ST3GAL5: variants seen among roughly 807,000 people sequenced by gnomAD.
ST3GAL5 encodes the protein lactosylceramide alpha-2,3-sialyltransferase.
In ST3GAL5, 25 loss-of-function variants were observed where a neutral mutation model predicts 46.1. That is an observed-to-expected ratio of 0.54 (90% CI 0.40 to 0.76). The LOEUF (loss-of-function observed/expected upper bound fraction) is 0.76, where lower values mean the gene tolerates loss of function less well. Among genes scored for constraint, ST3GAL5 ranks in the 30% least tolerant of loss-of-function variants. The pLI is 0.00. For synonymous variants in ST3GAL5, 182 were observed against 192.7 expected, an observed-to-expected ratio of 0.94 and a Z score of 0.46; for missense variants, 431 against 521.2, an observed-to-expected ratio of 0.83 and a Z score of 1.69.
At chr2:85,851,581 T>C (rs951077966) in intron 3 of ST3GAL5, 398 of 1,289,424 alleles carry the variant, frequency 3.1e-4, no homozygotes, top group Admixed American at 3.9e-4. Flanking sequence ...TCAGAGCTTG[T>C]CCCACATCTT....
At chr2:85,867,816 A>T (rs1474952069) in intron 1 of ST3GAL5, 1 of 641,836 alleles carries the variant, frequency 1.6e-6, no homozygotes, top group African/African-American at 1.8e-5. Context: ...TAAGGGCAAG[A>T]TTTACAGTAA....
At position 85,837,185 on chromosome 2, in the gene ST3GAL5, A is replaced by T. The variant is rs1681589453; in HGVS notation, c.*2959T>A. ...TTCACATAGCCAAAACATGAAATCA[A>T]CCTAAGTGTCCATCAATGGGTGAAT... is the stretch of plus-strand genomic sequence containing the variant. On this transcript the variant is annotated 3_prime_UTR_variant, in exon 7 of 7. Transcript: ENST00000638572. The T allele has an allele frequency of 6.6e-6, 1 of 152,234 alleles. No individual in the cohort carries two copies. Among genetic ancestry groups the T allele is most frequent in the Non-Finnish European group, 1.5e-5 (1 of 68,038 alleles). 9.4% of individuals were successfully genotyped at this position (152,234 alleles called of 1,614,324 possible).
chr2:85,842,479 T>G (rs916768127), intron 6 of ST3GAL5, among the ~76,000 whole-genome samples: 2 of 152,210 alleles, frequency 1.3e-5, no homozygotes, highest in African/African-American at 4.8e-5. Context: ...CTCAACAGGC[T>G]TCTTCATCTG....
chr2:85,888,989 CT>C lies in ST3GAL5; in HGVS notation c.-85del. ...CAGCGCCGCTCTCGCGCCCATTCAG[CT>C]GGGGGCCGCCGCTCCCCCGCTCAGA... On this transcript the variant is annotated 5_prime_UTR_variant, in exon 1 of 7. Transcript: ENST00000638572. The C allele has an allele frequency of 9.3e-7, 1 of 1,070,666 alleles. No homozygotes were observed. The highest frequency in any genetic ancestry group is 1.2e-6 in the Non-Finnish European group (1 of 843,434). 66.3% of individuals were successfully genotyped at this position (1,070,666 alleles called of 1,614,324 possible). A position where few individuals can be genotyped will look rare whatever the true frequency, so the allele number is the denominator to read the frequency against.
intron 1 of ST3GAL5, among the ~76,000 whole-genome samples, chr2:85,868,866 G>A (rs532503609): frequency 4.6e-5 from 7 of 152,046 alleles, no homozygotes; most frequent in Non-Finnish European, 8.8e-5. Flanking sequence ...TGATCCACCC[G>A]TCTCAGCCTC....
rs190194847 is a variant in ST3GAL5 at position 85,842,791 on chromosome 2, C to T, written c.1008+1605G>A. ...TTTTTTTTTTTTTAAGATGGAGTTT[C>T]ACTCTTGTTGCCCAGGCTGGAGTGC... On this transcript the variant is annotated intron_variant, in intron 6 of 6. Transcript: ENST00000638572. Among the ~76,000 whole-genome samples the T allele has an allele frequency of 3.9e-3, 571 of 148,042 alleles. 1 individual carries two copies. The highest frequency in any genetic ancestry group is 0.013 in the African/African-American group (527 of 40,174).
At chr2:85,853,080 G>A in intron 3 of ST3GAL5, 1 of 1,304,206 alleles carries the variant, frequency 7.7e-7, no homozygotes, top group Non-Finnish European at 1.0e-6. Flanking sequence ...GCCATCCGCA[G>A]GGAGATAAGG....
At position 85,839,060 on chromosome 2, in the gene ST3GAL5, G is replaced by A. The variant is rs575597180; in HGVS notation, c.*1084C>T. ...CTGTCCCTCACTACTGGCATCCACA[G>A]AGAGGTCTCCGCCTAGCAGCAGCAT... On this transcript the variant is annotated 3_prime_UTR_variant, in exon 7 of 7. Transcript: ENST00000638572. 6.6e-5 allele frequency: 10 copies of A among 152,474 alleles called. No individual in the cohort carries two copies. The East Asian group carries it at 1.9e-3, about 29-fold the overall frequency. 9.4% of individuals were successfully genotyped at this position (152,474 alleles called of 1,614,324 possible).
chr2:85,872,282 T>C (rs898323281), intron 1 of ST3GAL5, among the ~76,000 whole-genome samples: 4 of 151,966 alleles, frequency 2.6e-5, no homozygotes, highest in African/African-American at 9.7e-5. Context: ...TGGAAGTCAA[T>C]TGTTGTCCTT....
At chr2:85,875,689 G>C (rs982164585) in intron 1 of ST3GAL5, 3 of 152,154 alleles carry the variant, frequency 2.0e-5, no homozygotes, top group Non-Finnish European at 4.4e-5. Context: ...AAAGAGAGTG[G>C]GGGAACACTG....
At chr2:85,883,891 G>C (rs1220582680) in intron 1 of ST3GAL5, among the ~76,000 whole-genome samples, 1 of 152,188 alleles carries the variant, frequency 6.6e-6, no homozygotes, top group Non-Finnish European at 1.5e-5. Flanking sequence ...TGGAGCTCCA[G>C]GGAAGTGATG....
At chr2:85,881,825 C>T (rs990058038) in intron 1 of ST3GAL5, among the ~76,000 whole-genome samples, 4 of 152,216 alleles carry the variant, frequency 2.6e-5, no homozygotes, top group African/African-American at 9.6e-5. Context: ...GAAATTCAAG[C>T]CAGCTGCAGA....
chr2:85,850,037 T>C (rs1022386535), intron 3 of ST3GAL5: 4 of 152,228 alleles, frequency 2.6e-5, no homozygotes, highest in Non-Finnish European at 1.5e-5. Context: ...TTTATTTTCA[T>C]TTTCTGATTT....
chr2:85,878,708 C>T (rs886613694), intron 1 of ST3GAL5, among the ~76,000 whole-genome samples: 21 of 152,122 alleles, frequency 1.4e-4, no homozygotes, highest in South Asian at 4.1e-4. Context: ...AAGACACAGC[C>T]GCTTTCCTCT....
At chr2:85,872,196 A>G (rs550939939) in intron 1 of ST3GAL5, among the ~76,000 whole-genome samples, 24 of 152,332 alleles carry the variant, frequency 1.6e-4, no homozygotes, top group Admixed American at 1.1e-3. Context: ...ACAGAAGACA[A>G]ACAAAAGCAA....
intron 4 of ST3GAL5, 90 bp from the exon 5 acceptor site, chr2:85,846,653 C>T (rs1009636066): frequency 1.9e-5 from 24 of 1,275,832 alleles, no homozygotes; most frequent in Non-Finnish European, 2.3e-5. Flanking sequence ...ATGTCCTCCA[C>T]GTCTTCTTAT....
rs1688071193 is a variant in ST3GAL5, at chr2:85,888,865, A to G, written c.41T>C (p.Leu14Pro). 1.5e-6 allele frequency: 2 copies of G among 1,360,164 alleles called. No individual in the cohort carries two copies. Among genetic ancestry groups the G allele is most frequent in the South Asian group, 3.2e-5 (2 of 61,560 alleles). The allele number at this position is 1,360,164 out of a possible 1,614,324, so 84.3% of individuals were successfully genotyped here. ...CGCCGCTGCCTCGGTCCGCGGCTGCAGGGGACGCCGCTCCGCGCAGCCCGC... is the reference window on the plus strand; with the variant it reads ...CGCCGCTGCCTCGGTCCGCGGCTGCGGGGGACGCCGCTCCGCGCAGCCCGC... ...KAAGCAERRP[L>P]QPRTEAAAAP... The change falls in exon 1 of 7, where the codon CTG (leucine) becomes CCG (proline). Residue 14 changes from leucine (L) to proline (P), a missense_variant. Transcript: ENST00000638572.
chr2:85,852,902 C>T (rs964659754), intron 3 of ST3GAL5: 26 of 1,304,098 alleles, frequency 2.0e-5, no homozygotes, highest in Admixed American at 1.6e-4. Context: ...GGGAGCAGCA[C>T]TAAGGAGAGA....
Position 85,851,730 on chromosome 2 carries a change from A to G in ST3GAL5, c.319-3526T>C, listed in dbSNP as rs1250786289. On this transcript the variant is annotated intron_variant, in intron 3 of 6. Transcript: ENST00000638572. The stretch of plus-strand genomic sequence containing the variant: ...TGCAATGAAGAGAGGAAGCAGTGTG[A>G]CTAGGCTGTGAGGACTCCAGAGCTC... The G allele has an allele frequency of 7.8e-6, 10 of 1,289,382 alleles. No individual in the cohort carries two copies. In the South Asian group the frequency reaches 1.2e-4, roughly 16 times the overall value. 79.9% of individuals were successfully genotyped at this position (1,289,382 alleles called of 1,614,324 possible). A position where few individuals can be genotyped will look rare whatever the true frequency, so the allele number is the denominator to read the frequency against.
Sources: allele counts gnomAD v4.1 joint callset (sites outside exome capture counted in the v4.1 genomes callset), GRCh38; gene constraint gnomAD v4.1.1; transcripts MANE v1.5; gene names NCBI Gene and HGNC (gene_info 2026-07-23, HGNC 2026-07-21).